Variants in PEMT observed in about 807,000 individuals in gnomAD.
PEMT encodes the protein phosphatidylethanolamine N-methyltransferase.
PEMT carries 23 observed loss-of-function variants against 27.4 expected under a neutral mutation model. That is an observed-to-expected ratio of 0.84 (90% CI 0.60 to 1.19). The LOEUF is 1.19. PEMT is among the 50% of genes most tolerant of loss of function. The pLI, the probability that PEMT is intolerant of heterozygous loss-of-function variation, is 0.00. For missense variants in PEMT, 307 were observed against 310.1 expected (o/e 0.99, Z 0.07); for synonymous variants, 137 against 139.1 (o/e 0.98, Z 0.11).
intron 3 of PEMT, among the ~76,000 whole-genome samples, chr17:17,516,156 T>G (rs1037764269): frequency 2.0e-5 from 3 of 152,122 alleles, no homozygotes; most frequent in Non-Finnish European, 4.4e-5. Context: ...CTGAGTGCCA[T>G]GTACTCCACA....
At chr17:17,586,998 G>A (rs896159428) in intron 1 of PEMT, among the ~76,000 whole-genome samples, 3 of 151,828 alleles carry the variant, frequency 2.0e-5, no homozygotes, top group African/African-American at 4.8e-5. Context: ...GGAAGACTCC[G>A]TCTCAAAAAA....
chr17:17,520,702 G>A (rs564624150), intron 3 of PEMT, among the ~76,000 whole-genome samples: 2 of 152,364 alleles, frequency 1.3e-5, no homozygotes, highest in African/African-American at 2.4e-5. Flanking sequence ...CAGGGCAGGT[G>A]CCAGGGGACC....
intron 2 of PEMT, among the ~76,000 whole-genome samples, chr17:17,534,064 C>A (rs943554747): frequency 6.6e-6 from 1 of 152,100 alleles, no homozygotes; most frequent in African/African-American, 2.4e-5. Flanking sequence ...CACACACCTA[C>A]CACCACATGA....
At chr17:17,579,859 C>T (rs1008924948) in intron 1 of PEMT, among the ~76,000 whole-genome samples, 3 of 152,198 alleles carry the variant, frequency 2.0e-5, no homozygotes, top group Non-Finnish European at 4.4e-5. Flanking sequence ...CCGCAAATGG[C>T]GGGAAGAAGG....
At chr17:17,527,265 G>C (rs1169975945) in intron 2 of PEMT, among the ~76,000 whole-genome samples, 2 of 152,194 alleles carry the variant, frequency 1.3e-5, no homozygotes, top group African/African-American at 2.4e-5. Context: ...TCAAACTCCC[G>C]ACCTCAGGTG....
intron 2 of PEMT, among the ~76,000 whole-genome samples, chr17:17,548,129 C>T (rs989720137): frequency 6.6e-5 from 10 of 152,230 alleles, no homozygotes; most frequent in East Asian, 3.9e-4. Context: ...GAATGACTTC[C>T]TTTGGTCCTC....
At position 17,586,263 on chromosome 17, in the gene PEMT, AGAAAGAAAGAAAGAAAGAAAG is replaced by A. The variant is rs1912282236; in HGVS notation, c.96+5247_96+5267del. Among the ~76,000 whole-genome samples, 6 of 118,400 alleles carry A rather than the reference AGAAAGAAAGAAAGAAAGAAAG, an allele frequency of 5.1e-5. 1 individual carries two copies. Among genetic ancestry groups the A allele is most frequent in the Middle Eastern group, 3.8e-3 (1 of 264 alleles). 77.7% of individuals were successfully genotyped at this position (118,400 alleles called of 152,430 possible). A position where few individuals can be genotyped will look rare whatever the true frequency, so the allele number is the denominator to read the frequency against. On this transcript the variant is annotated intron_variant, in intron 1 of 6. Transcript: ENST00000255389. ...AAGAAAGAAAGAAAGAAAGAAAGAA[AGAAAGAAAGAAAGAAAGAAAG>A]AAAGAAAAAAAAAAACGCAGGTGGA...
At chr17:17,550,659 A>G (rs1334481200) in intron 2 of PEMT, among the ~76,000 whole-genome samples, 1 of 152,204 alleles carries the variant, frequency 6.6e-6, no homozygotes, top group African/African-American at 2.4e-5. Flanking sequence ...ACTTGTATTC[A>G]TTCATTTTCC....
chr17:17,589,113 G>A (rs1299902939), intron 1 of PEMT, among the ~76,000 whole-genome samples: 2 of 152,004 alleles, frequency 1.3e-5, no homozygotes, highest in African/African-American at 2.4e-5. Flanking sequence ...GGCATGTGCC[G>A]CCACGCCTGG....
Position 17,506,240 on chromosome 17 carries a change from G to A in PEMT, c.640C>T (p.Leu214Phe), listed in dbSNP as rs1256891212. 1 of 1,578,070 alleles carries A rather than the reference G, an allele frequency of 6.3e-7. No individual in the cohort carries two copies. The highest frequency in any genetic ancestry group is 1.3e-5 in the African/African-American group (1 of 74,354). Residue 214 changes from leucine to phenylalanine, a missense_variant, in exon 6 of 7, where the codon CTC (leucine) becomes TTC (phenylalanine). Leu to Phe is a conservative substitution (Grantham distance 22). Coordinates refer to ENST00000255389, the MANE Select transcript of PEMT (RefSeq NM_148172.3). The part of the protein sequence containing the change: ...VLVALTYIVA[L>F]LYEEPFTAEI... ...GCCCCTACTCACTCTTCGTATAGGAGAGCCACTATGTAGGTGAGGGCCACC... is the reference window on the plus strand; with the variant it reads ...GCCCCTACTCACTCTTCGTATAGGAAAGCCACTATGTAGGTGAGGGCCACC...
chr17:17,542,232 C>T (rs80097125), intron 2 of PEMT, among the ~76,000 whole-genome samples: 73,819 of 151,996 alleles, frequency 0.49, 18,238 homozygotes, highest in Non-Finnish European at 0.54. Flanking sequence ...CTACCCGCCT[C>T]AGCCTCCCAA....
At chr17:17,592,116 G>GCCCAGGGC, upstream of PEMT, 1 of 982,052 alleles carries the variant, frequency 1.0e-6, no homozygotes, top group African/African-American at 1.8e-5. Context: ...AGGGCCCCAC[G>GCCCAGGGC]CCCTCTTCTG....
intron 1 of PEMT, among the ~76,000 whole-genome samples, chr17:17,590,193 A>G (rs1216370918): frequency 6.6e-6 from 1 of 152,206 alleles, no homozygotes; most frequent in Admixed American, 6.5e-5. Flanking sequence ...GGTAGGACCC[A>G]TCACTCATCT....
At chr17:17,552,256 G>A (rs1597922198) in intron 2 of PEMT, among the ~76,000 whole-genome samples, 1 of 149,726 alleles carries the variant, frequency 6.7e-6, no homozygotes, top group East Asian at 2.0e-4. Context: ...AGGTGGCAGT[G>A]AGCCGAGATC....
At chr17:17,586,530 C>T (rs751255134) in intron 1 of PEMT, among the ~76,000 whole-genome samples, 16 of 152,234 alleles carry the variant, frequency 1.1e-4, no homozygotes, top group Admixed American at 3.3e-4. Flanking sequence ...AGAAAGCGAT[C>T]GTGGAAAGAA....
At chr17:17,524,277 C>G (rs145953694) in intron 2 of PEMT, among the ~76,000 whole-genome samples, 1 of 152,158 alleles carries the variant, frequency 6.6e-6, no homozygotes, top group Non-Finnish European at 1.5e-5. Context: ...TGTGTGTTTT[C>G]AGTGCTCTCA....
At chr17:17,506,374 T>G in intron 5 of PEMT, 73 bp from the exon 6 acceptor site, 1 of 1,190,024 alleles carries the variant, frequency 8.4e-7, no homozygotes, top group Non-Finnish European at 1.2e-6. Flanking sequence ...CTGCCCAGGC[T>G]GGCCCTTCCT....
intron 4 of PEMT, among the ~76,000 whole-genome samples, chr17:17,510,429 C>T (rs1906279056): frequency 1.3e-5 from 2 of 152,226 alleles, no homozygotes; most frequent in South Asian, 2.1e-4. Context: ...GACAATGGAG[C>T]TTCATCCAAG....
At chr17:17,517,570 C>T (rs1431870332) in intron 3 of PEMT, among the ~76,000 whole-genome samples, 2 of 152,232 alleles carry the variant, frequency 1.3e-5, no homozygotes, top group African/African-American at 4.8e-5. Context: ...ATGTAGTCAC[C>T]AGGACAGAGG....
Sources: allele counts gnomAD v4.1 joint callset (sites outside exome capture counted in the v4.1 genomes callset), GRCh38; gene constraint gnomAD v4.1.1; transcripts MANE v1.5; gene names NCBI Gene and HGNC (gene_info 2026-07-23, HGNC 2026-07-21).